THAP6: variants seen among roughly 807,000 people sequenced by gnomAD.
THAP6 encodes THAP domain-containing protein 6.
THAP6 carries 13 observed loss-of-function variants against 20.0 expected under a neutral mutation model. The observed-to-expected ratio is 0.65, with a 90% CI of 0.42 to 1.03. The LOEUF (loss-of-function observed/expected upper bound fraction) is 1.03, where lower values mean the gene tolerates loss of function less well. Among genes scored for constraint, THAP6 ranks in the 50% least tolerant of loss-of-function variants. The pLI is 0.00. For missense variants in THAP6, 262 were observed against 261.6 expected (o/e 1.00, Z -0.01); for synonymous variants, 93 against 92.2 (o/e 1.01, Z -0.05).
At chr4:75,540,275 G>A (rs1037439579) in intron 2 of THAP6, among the ~76,000 whole-genome samples, 6 of 152,032 alleles carry the variant, frequency 3.9e-5, no homozygotes, top group East Asian at 1.9e-4. Context: ...TTTTTTTTCA[G>A]TCAGAATGTT....
intron 3 of THAP6, among the ~76,000 whole-genome samples, chr4:75,520,152 C>T (rs1045255851): frequency 1.3e-5 from 2 of 152,110 alleles, no homozygotes; most frequent in African/African-American, 4.8e-5. Flanking sequence ...TGTTCATGTC[C>T]TTTGCCCACT....
chr4:75,543,852 C>T (rs958680225), intron 3 of THAP6, among the ~76,000 whole-genome samples: 1 of 152,096 alleles, frequency 6.6e-6, no homozygotes, highest in Non-Finnish European at 1.5e-5. Flanking sequence ...ATTTGTTTAC[C>T]AGAACAAGGG....
At position 75,529,523 on chromosome 4, in the gene THAP6, A is replaced by G. The variant is rs528822303; in HGVS notation, c.*2309A>G. Reference sequence around the variant, plus strand: ...TGTTCTAATAGGGAAGCAATTACTGATAGAAATGTGAGATTAAAAATAGGG... The same window carrying G: ...TGTTCTAATAGGGAAGCAATTACTGGTAGAAATGTGAGATTAAAAATAGGG... On this transcript the variant is annotated 3_prime_UTR_variant, in exon 5 of 5. Transcript: ENST00000311638. 2.0e-6 allele frequency: 2 copies of G among 985,438 alleles called. No individual in the cohort carries two copies. Among genetic ancestry groups the G allele is most frequent in the South Asian group, 9.4e-5 (2 of 21,282 alleles). 61.0% of individuals were successfully genotyped at this position (985,438 alleles called of 1,614,324 possible).
At chr4:75,521,516 G>C (rs183673326) in intron 3 of THAP6, among the ~76,000 whole-genome samples, 1 of 151,964 alleles carries the variant, frequency 6.6e-6, no homozygotes. Flanking sequence ...AGCTTGTAGG[G>C]TGTTTCCTTT....
Position 75,538,535 on chromosome 4 carries a change from T to C in THAP6, c.166-3874T>C, listed in dbSNP as rs116936101. Among the ~76,000 whole-genome samples, 89 of 152,268 alleles carry C rather than the reference T, an allele frequency of 5.8e-4. 1 individual carries two copies. In the East Asian group the frequency reaches 0.016, roughly 27 times the overall value. ...ATCCCTAGGAAGATGAGAGGTATAA[T>C]TGGCTCTTCCACTGGACTAATGGGA... On this transcript the variant is annotated intron_variant, in intron 2 of 4. Transcript: ENST00000502620.
upstream of THAP6, chr4:75,514,384 G>C: frequency 3.7e-6 from 5 of 1,338,082 alleles, no homozygotes; most frequent in Non-Finnish European, 5.0e-6. Flanking sequence ...CCCAGCCCCA[G>C]CGGCCACTAG....
chr4:75,542,373 A>G (rs370444829), intron 2 of THAP6: 3 of 699,248 alleles, frequency 4.3e-6, no homozygotes, highest in East Asian at 2.7e-5. Context: ...CGCAATTTTC[A>G]TAAATCCTCG....
intron 3 of THAP6, chr4:75,517,769 T>G (rs1484226518): frequency 6.6e-6 from 1 of 152,186 alleles, no homozygotes; most frequent in Non-Finnish European, 1.5e-5. Context: ...GAAAGAACAG[T>G]CAAATAAGTA....
At chr4:75,517,999 G>A (rs1277907364) in intron 3 of THAP6, among the ~76,000 whole-genome samples, 17 of 152,186 alleles carry the variant, frequency 1.1e-4, no homozygotes, top group Admixed American at 9.2e-4. Flanking sequence ...AAGCGTACCC[G>A]CTCCCATGCA....
intron 3 of THAP6, among the ~76,000 whole-genome samples, chr4:75,545,676 G>A (rs1193706784): frequency 1.3e-5 from 2 of 152,170 alleles, no homozygotes; most frequent in Non-Finnish European, 2.9e-5. Context: ...GGCTGAGGCA[G>A]CCCAAATAGC....
In THAP6 at chr4:75,515,548, A is replaced by T. The variant is rs765416676; in HGVS notation, c.80+16A>T. The T allele has an allele frequency of 1.2e-6, 2 of 1,612,024 alleles. No homozygotes were observed. Among genetic ancestry groups the T allele is most frequent in the Non-Finnish European group, 1.7e-6 (2 of 1,178,108 alleles). ...CATTTCACGTGTAAGATTTTGCTGTAGTTAAGCCAAATACTTTGGCCATGT... is the reference window on the plus strand; with the variant it reads ...CATTTCACGTGTAAGATTTTGCTGTTGTTAAGCCAAATACTTTGGCCATGT... On this transcript the variant is annotated intron_variant, in intron 2 of 4. Transcript: ENST00000311638.
chr4:75,540,102 T>C (rs1267550787), intron 2 of THAP6: 4 of 1,005,544 alleles, frequency 4.0e-6, no homozygotes, highest in African/African-American at 1.6e-5. Flanking sequence ...AGCCATTTAA[T>C]CTATCTTAGA....
In THAP6 at chr4:75,515,484, C is replaced by A; in HGVS notation, c.32C>A (p.Ala11Asp). Residue 11 changes from alanine to aspartate, a missense_variant, in exon 2 of 5, where the codon GCT becomes GAT. By Grantham distance (126) the Ala-to-Asp change is moderately radical. Transcript: ENST00000311638. MVKCCSAIGC[A>D]SRCLPNSKLK... Reference sequence around the variant, plus strand: ...AAATGCTGCTCCGCCATTGGATGTGCTTCTCGCTGCTTGCCAAATTCGAAG... The same window carrying A: ...AAATGCTGCTCCGCCATTGGATGTGATTCTCGCTGCTTGCCAAATTCGAAG... 1 of 1,614,040 alleles carries A rather than the reference C, an allele frequency of 6.2e-7. No individual in the cohort carries two copies. Among genetic ancestry groups the A allele is most frequent in the African/African-American group, 1.3e-5 (1 of 75,048 alleles).
chr4:75,540,059 C>T (rs1183104891), intron 2 of THAP6: 1 of 1,351,906 alleles, frequency 7.4e-7, no homozygotes, highest in Non-Finnish European at 9.9e-7. Flanking sequence ...CAATCACCAT[C>T]CTCCTCTTCA....
At chr4:75,525,342 G>A (rs1387480813) in intron 4 of THAP6, among the ~76,000 whole-genome samples, 1 of 151,838 alleles carries the variant, frequency 6.6e-6, no homozygotes, top group Non-Finnish European at 1.5e-5. Flanking sequence ...TCTCTCTGTA[G>A]TCCATACTGG....
downstream of THAP6, among the ~76,000 whole-genome samples, chr4:75,532,956 C>T (rs1450247405): frequency 1.3e-5 from 2 of 152,198 alleles, no homozygotes; most frequent in East Asian, 3.8e-4. Flanking sequence ...GCTGACATGC[C>T]CTGGAGACAT....
At chr4:75,525,372 C>G (rs922774196) in intron 4 of THAP6, among the ~76,000 whole-genome samples, 2 of 152,106 alleles carry the variant, frequency 1.3e-5, no homozygotes, top group African/African-American at 4.8e-5. Flanking sequence ...GTTGCTGTAA[C>G]TTTACATTCA....
At chr4:75,514,327 G>A (rs1725326278), upstream of THAP6, 2 of 1,587,914 alleles carry the variant, frequency 1.3e-6, no homozygotes, top group South Asian at 1.1e-5. Flanking sequence ...CCTTCCCCCA[G>A]GATAAAAACC....
At chr4:75,539,759 G>T in intron 2 of THAP6, 1 of 1,493,482 alleles carries the variant, frequency 6.7e-7, no homozygotes, top group Non-Finnish European at 8.9e-7. Flanking sequence ...CTTACCCATT[G>T]GTGGTGAGAA....
Sources: gnomAD v4.1 joint callset for allele counts (sites outside exome capture counted in the v4.1 genomes callset) on GRCh38, gnomAD v4.1.1 for gene constraint, MANE v1.5 for transcripts, NCBI Gene and HGNC (gene_info 2026-07-23, HGNC 2026-07-21) for gene names.